Variants in SLC36A2 observed in about 807,000 individuals in gnomAD.
SLC36A2 encodes the protein proton-coupled amino acid transporter 2.
In SLC36A2, 39 loss-of-function variants were observed where a neutral mutation model predicts 42.7. The observed-to-expected ratio is 0.91, with a 90% CI of 0.71 to 1.19. The LOEUF (loss-of-function observed/expected upper bound fraction) is 1.19, where lower values mean the gene tolerates loss of function less well. Ranked by LOEUF, SLC36A2 falls within the 50% of genes most tolerant of loss-of-function variation. The pLI, the probability that SLC36A2 is intolerant of heterozygous loss-of-function variation, is 0.00. For missense variants in SLC36A2, 590 were observed against 613.7 expected, an observed-to-expected ratio of 0.96 and a Z score of 0.41; for synonymous variants, 237 against 240.8, an observed-to-expected ratio of 0.98 and a Z score of 0.15.
At chr5:151,331,342 G>A (rs910808706) in intron 7 of SLC36A2, among the ~76,000 whole-genome samples, 2 of 151,284 alleles carry the variant, frequency 1.3e-5, no homozygotes, top group African/African-American at 4.9e-5. Context: ...TTTAAGACAG[G>A]GTCTTACTCT....
chr5:151,343,684 A>T, intron 2 of SLC36A2, 86 bp from the exon 3 acceptor site: 1 of 1,232,794 alleles, frequency 8.1e-7, no homozygotes, highest in Non-Finnish European at 1.2e-6. Flanking sequence ...GGTAGTGCTG[A>T]TATCATGCAG....
chr5:151,323,787 C>G (rs561602251), intron 8 of SLC36A2, among the ~76,000 whole-genome samples: 5 of 152,298 alleles, frequency 3.3e-5, no homozygotes, highest in Middle Eastern at 3.4e-3. Flanking sequence ...GATCAGGAGC[C>G]GGCGAAGATA....
chr5:151,319,251 G>T, intron 9 of SLC36A2: 1 of 386,136 alleles, frequency 2.6e-6, no homozygotes, highest in Non-Finnish European at 3.5e-6. Flanking sequence ...AGGCTTAAGG[G>T]ATTGTTATCT....
At chr5:151,326,244 A>C (rs1207118763) in intron 7 of SLC36A2, among the ~76,000 whole-genome samples, 1 of 152,242 alleles carries the variant, frequency 6.6e-6, no homozygotes, top group East Asian at 1.9e-4. Context: ...TTGACAGCAC[A>C]GTCTTTCGAC....
chr5:151,335,393 A>G lies in SLC36A2; in HGVS notation c.680T>C (p.Phe227Ser), dbSNP rs144303819. The G allele has an allele frequency of 5.9e-5, 96 of 1,613,960 alleles. No homozygotes were observed. The highest frequency in any genetic ancestry group is 8.1e-5 in the Non-Finnish European group (95 of 1,180,006). Reference sequence around the variant, plus strand: ...CATGCTGATGTTGGCCAGCATGGAGAAGATGGTCAAGATCCTGAGGTTCCG... The same window carrying G: ...CATGCTGATGTTGGCCAGCATGGAGGAGATGGTCAAGATCCTGAGGTTCCG... ...LIRNLRILTI[F>S]SMLANISMLV... The change falls in exon 6 of 10, where the codon TTC becomes TCC. Residue 227 changes from phenylalanine (F) to serine (S), a missense_variant. Phe to Ser is a radical substitution (Grantham distance 155). Coordinates refer to ENST00000335244, the MANE Select transcript of SLC36A2 (RefSeq NM_181776.3).
At chr5:151,320,722 G>T (rs957832103) in intron 9 of SLC36A2, among the ~76,000 whole-genome samples, 27 of 152,206 alleles carry the variant, frequency 1.8e-4, no homozygotes, top group Non-Finnish European at 1.5e-5. Context: ...GTTGCCGATG[G>T]GGAATGTGAT....
At chr5:151,321,445 A>T in intron 9 of SLC36A2, among the ~76,000 whole-genome samples, 1 of 151,670 alleles carries the variant, frequency 6.6e-6, no homozygotes. Flanking sequence ...TGACCTCTCA[A>T]AGTGCTGGGA....
chr5:151,326,812 C>CTTTTTTTTTTTT (rs5872202), intron 7 of SLC36A2, among the ~76,000 whole-genome samples: 1 of 142,282 alleles, frequency 7.0e-6, no homozygotes. Context: ...ATGAATTTAC[C>CTTTTTTTTTTTT]TTTTTTTTTT....
intron 5 of SLC36A2, 161 bp downstream of exon 5, chr5:151,338,899 C>G (rs917599210): frequency 6.4e-6 from 4 of 621,778 alleles, no homozygotes; most frequent in Admixed American, 4.0e-5. Flanking sequence ...ACACAGAGAT[C>G]TTCAGATATG....
intron 2 of SLC36A2, 81 bp downstream of exon 2, chr5:151,344,096 G>T (rs761429207): frequency 2.1e-5 from 27 of 1,300,900 alleles, no homozygotes; most frequent in Non-Finnish European, 2.8e-5. Flanking sequence ...CTCACCACAG[G>T]TTGCTAAACC....
intron 6 of SLC36A2, 145 bp from the exon 7 acceptor site, chr5:151,333,467 G>T: frequency 1.4e-6 from 1 of 694,796 alleles, no homozygotes; most frequent in Non-Finnish European, 2.6e-6. Flanking sequence ...TGTAGGCCAC[G>T]ATCAAAGTTG....
In SLC36A2 at chr5:151,343,564, A is replaced by C. The variant is rs777609718; in HGVS notation, c.290T>G (p.Ile97Ser). 7.4e-6 allele frequency: 12 copies of C among 1,614,096 alleles called. No homozygotes were observed. Among genetic ancestry groups the C allele is most frequent in the Non-Finnish European group, 9.3e-6 (11 of 1,180,038 alleles). ...CAGGATGTGCATACAGTGGCAGGCA[A>C]TGAAGCCCATCACCAGCAGACTGAG... ...GPLSLLVMGF[I>S]ACHCMHILVK... Residue 97 changes from isoleucine to serine, a missense_variant, in exon 3 of 10, where the codon ATT (isoleucine) becomes AGT (serine). Transcript: ENST00000335244.
chr5:151,321,556 G>T lies in SLC36A2; in HGVS notation c.1180+490C>A, dbSNP rs184739356. ...AACACCAACAAATCTGTCTAATTAGGTACATGTAAGAATGGGGTTGTTTAG... is the reference window on the plus strand; with the variant it reads ...AACACCAACAAATCTGTCTAATTAGTTACATGTAAGAATGGGGTTGTTTAG... On this transcript the variant is annotated intron_variant, in intron 9 of 9. Coordinates refer to ENST00000335244, the MANE Select transcript of SLC36A2 (RefSeq NM_181776.3). Among the ~76,000 whole-genome samples the T allele has an allele frequency of 8.5e-5, 13 of 152,104 alleles. No individual in the cohort carries two copies. In the East Asian group the frequency reaches 2.5e-3, roughly 29 times the overall value.
In SLC36A2 at chr5:151,343,579, A is replaced by G; in HGVS notation, c.275T>C (p.Leu92Pro). Residue 92 changes from leucine to proline, a missense_variant, in exon 3 of 10, where the codon CTG (leucine) becomes CCG (proline). Physicochemically the swap from Leu to Pro is moderately conservative, Grantham distance 98. Transcript: ENST00000335244. Reference sequence around the variant, plus strand: ...GTGGCAGGCAATGAAGCCCATCACCAGCAGACTGAGTGGGCCCATCTGGAG... The same window carrying G: ...GTGGCAGGCAATGAAGCCCATCACCGGCAGACTGAGTGGGCCCATCTGGAG... ...AGILMGPLSL[L>P]VMGFIACHCM... 2 of 1,614,208 alleles carry G rather than the reference A, an allele frequency of 1.2e-6. No individual in the cohort carries two copies. The highest frequency in any genetic ancestry group is 1.1e-5 in the South Asian group (1 of 91,090).
intron 3 of SLC36A2, among the ~76,000 whole-genome samples, 161 bp downstream of exon 3, chr5:151,343,349 A>G (rs879614397): frequency 7.9e-5 from 12 of 152,238 alleles, no homozygotes; most frequent in South Asian, 2.1e-4. Context: ...GCCATGCAGA[A>G]GAGCCTCACC....
intron 8 of SLC36A2, among the ~76,000 whole-genome samples, chr5:151,323,042 T>C (rs1325300295): frequency 6.6e-6 from 1 of 152,054 alleles, no homozygotes; most frequent in African/African-American, 2.4e-5. Flanking sequence ...TTGAGACCAG[T>C]CTGGCCAACA....
At chr5:151,330,033 G>T (rs1488724581) in intron 7 of SLC36A2, among the ~76,000 whole-genome samples, 1 of 152,072 alleles carries the variant, frequency 6.6e-6, no homozygotes, top group Non-Finnish European at 1.5e-5. Flanking sequence ...GGGTGGGGGA[G>T]CGGGGTCCTG....
chr5:151,335,263 G>A (rs1756118250), intron 6 of SLC36A2, 66 bp downstream of exon 6: 2 of 1,288,358 alleles, frequency 1.6e-6, no homozygotes, highest in African/African-American at 1.5e-5. Flanking sequence ...GGTATCTAAA[G>A]CTCAGTCTAT....
intron 4 of SLC36A2, among the ~76,000 whole-genome samples, chr5:151,341,853 A>T (rs1180579915): frequency 6.6e-6 from 1 of 152,136 alleles, no homozygotes. Flanking sequence ...CAACTTGTCC[A>T]AAATAGAAGT....
Sources: allele counts gnomAD v4.1 joint callset (sites outside exome capture counted in the v4.1 genomes callset), GRCh38; gene constraint gnomAD v4.1.1; transcripts MANE v1.5; gene names NCBI Gene and HGNC (gene_info 2026-07-23, HGNC 2026-07-21).